Variants in ARMC7 observed in about 807,000 individuals in gnomAD.
The protein encoded by ARMC7 is armadillo repeat containing 7, also known as armadillo repeat-containing protein 7.
ARMC7 carries 9 observed loss-of-function variants against 14.8 expected under a neutral mutation model. The observed-to-expected ratio is 0.61, with a 90% CI of 0.37 to 1.06. ARMC7 has a LOEUF of 1.06. Among genes scored for constraint, ARMC7 ranks in the 50% least tolerant of loss-of-function variants. ARMC7 has a pLI of 0.01. For synonymous variants in ARMC7, 125 were observed against 123.4 expected, an observed-to-expected ratio of 1.01 and a Z score of -0.09; for missense variants, 262 against 267.1, an observed-to-expected ratio of 0.98 and a Z score of 0.13.
chr17:75,117,358 T>C (rs2073980783), intron 2 of ARMC7, among the ~76,000 whole-genome samples: 1 of 152,160 alleles, frequency 6.6e-6, no homozygotes, highest in African/African-American at 2.4e-5. Flanking sequence ...ATTACAGGCG[T>C]GAGCCACTGT....
intron 2 of ARMC7, among the ~76,000 whole-genome samples, chr17:75,120,111 G>T (rs376918863): frequency 6.6e-6 from 1 of 151,860 alleles, no homozygotes; most frequent in Non-Finnish European, 1.5e-5. Context: ...TGCCATGTTG[G>T]CCAGGGTGGT....
chr17:75,127,534 G>A (rs1262917174), intron 2 of ARMC7, among the ~76,000 whole-genome samples: 1 of 152,116 alleles, frequency 6.6e-6, no homozygotes, highest in Non-Finnish European at 1.5e-5. Context: ...CCTGACCTCA[G>A]GGTGATCCAC....
chr17:75,116,019 A>G (rs1370468687), intron 2 of ARMC7, among the ~76,000 whole-genome samples: 3 of 152,160 alleles, frequency 2.0e-5, no homozygotes, highest in Non-Finnish European at 4.4e-5. Flanking sequence ...ACGTCCTATC[A>G]AGGGAATCAC....
At chr17:75,123,238 C>T (rs1268291893) in intron 2 of ARMC7, among the ~76,000 whole-genome samples, 6 of 143,990 alleles carry the variant, frequency 4.2e-5, no homozygotes, top group Non-Finnish European at 7.5e-5. Flanking sequence ...TTAGTAGAGA[C>T]GGGGTTTCAC....
At chr17:75,128,557 G>C in intron 2 of ARMC7, 120 bp from the exon 3 acceptor site, 1 of 1,387,442 alleles carries the variant, frequency 7.2e-7, no homozygotes, top group Non-Finnish European at 9.6e-7. Context: ...ATGGGCTTTG[G>C]ATGCCTTGTG....
intron 2 of ARMC7, among the ~76,000 whole-genome samples, chr17:75,121,108 T>G (rs1235805476): frequency 6.6e-6 from 1 of 152,198 alleles, no homozygotes; most frequent in Non-Finnish European, 1.5e-5. Context: ...TCACTCAACA[T>G]TATGTTTTTC....
At position 75,129,734 on chromosome 17, in the gene ARMC7, T is replaced by C. The variant is rs1207054780; in HGVS notation, c.*696T>C. On this transcript the variant is annotated 3_prime_UTR_variant, in exon 3 of 3. Coordinates refer to ENST00000245543, the MANE Select transcript of ARMC7 (RefSeq NM_024585.4). ...CCATCGGGCATCAAGCACAAGGCCA[T>C]GCAGGTGATGATACGTCGGAATAGA... The C allele has an allele frequency of 6.6e-6, 1 of 152,486 alleles. No individual in the cohort carries two copies. The highest frequency in any genetic ancestry group is 1.5e-5 in the Non-Finnish European group (1 of 68,268). The allele number at this position is 152,486 out of a possible 1,614,324, so 9.4% of individuals were successfully genotyped here. A position where few individuals can be genotyped will look rare whatever the true frequency, so the allele number is the denominator to read the frequency against.
rs1041408396 is a variant in ARMC7 at position 75,109,994 on chromosome 17, G to C, written c.-295G>C. Reference sequence around the variant, plus strand: ...GGAACCGAGCCCAGGAGCCGGGGACGGTGCGCCAGTGCCCCCTCCGCGAGC... The same window carrying C: ...GGAACCGAGCCCAGGAGCCGGGGACCGTGCGCCAGTGCCCCCTCCGCGAGC... On this transcript the variant is annotated 5_prime_UTR_variant, in exon 1 of 3. Coordinates refer to ENST00000245543, the MANE Select transcript of ARMC7 (RefSeq NM_024585.4). This position sits in a 1 kb window ranked among gnomAD's most constrained non-coding sequence, Gnocchi z 5.0. 1.5e-5 allele frequency: 5 copies of C among 340,576 alleles called. No homozygotes were observed. The highest frequency in any genetic ancestry group is 1.4e-4 in the Admixed American group (3 of 21,808). The allele number at this position is 340,576 out of a possible 1,614,324, so 21.1% of individuals were successfully genotyped here.
At chr17:75,114,173 T>C in intron 2 of ARMC7, 1 of 401,186 alleles carries the variant, frequency 2.5e-6, no homozygotes, top group East Asian at 3.6e-5. Context: ...CCACAGCTGC[T>C]GCAGTCTGAA....
At chr17:75,123,599 G>A (rs570643712) in intron 2 of ARMC7, among the ~76,000 whole-genome samples, 30 of 152,062 alleles carry the variant, frequency 2.0e-4, no homozygotes, top group African/African-American at 6.0e-4. Flanking sequence ...GTGATCCACC[G>A]CGCCCAGCCT....
chr17:75,114,474 A>G (rs1742930545), intron 2 of ARMC7: 6 of 393,148 alleles, frequency 1.5e-5, no homozygotes. Context: ...TGGGTGACTG[A>G]GCCCGGGTCC....
At chr17:75,127,136 G>A (rs186821765) in intron 2 of ARMC7, among the ~76,000 whole-genome samples, 1 of 151,734 alleles carries the variant, frequency 6.6e-6, no homozygotes, top group Non-Finnish European at 1.5e-5. Context: ...CTCCCAGGGA[G>A]GCTGAGGCAG....
In ARMC7 at chr17:75,110,082, A is replaced by G. The variant is rs1393218164; in HGVS notation, c.-207A>G. Reference sequence around the variant, plus strand: ...ATTTCGATTTTCAAACGCAACTCCTACAGGATTCTGAGACCCCGTCCCATC... The same window carrying G: ...ATTTCGATTTTCAAACGCAACTCCTGCAGGATTCTGAGACCCCGTCCCATC... On this transcript the variant is annotated 5_prime_UTR_variant, in exon 1 of 3. Coordinates refer to ENST00000245543, the MANE Select transcript of ARMC7 (RefSeq NM_024585.4). 8 of 571,236 alleles carry G rather than the reference A, an allele frequency of 1.4e-5. No individual in the cohort carries two copies. Among genetic ancestry groups the G allele is most frequent in the South Asian group, 6.5e-5 (3 of 45,834 alleles). 35.4% of individuals were successfully genotyped at this position (571,236 alleles called of 1,614,324 possible). A position where few individuals can be genotyped will look rare whatever the true frequency, so the allele number is the denominator to read the frequency against.
At position 75,110,180 on chromosome 17, in the gene ARMC7, CT is replaced by C. The variant is rs2073897819; in HGVS notation, c.-108del. Reference sequence around the variant, plus strand: ...GGAAAGAAACCCATTTGCCGACCCCCTCTTCCCTCTCCAGACAGGTGGAGAG... The same window carrying C: ...GGAAAGAAACCCATTTGCCGACCCCCCTTCCCTCTCCAGACAGGTGGAGAG... On this transcript the variant is annotated 5_prime_UTR_variant, in exon 1 of 3. Transcript: ENST00000245543. The C allele has an allele frequency of 2.7e-6, 3 of 1,098,626 alleles. No homozygotes were observed. Among genetic ancestry groups the C allele is most frequent in the African/African-American group, 3.2e-5 (2 of 62,944 alleles). 68.1% of individuals were successfully genotyped at this position (1,098,626 alleles called of 1,614,324 possible). A position where few individuals can be genotyped will look rare whatever the true frequency, so the allele number is the denominator to read the frequency against.
chr17:75,110,710 C>A, intron 2 of ARMC7, 104 bp downstream of exon 2: 3 of 1,456,238 alleles, frequency 2.1e-6, no homozygotes, highest in Non-Finnish European at 2.8e-6. Flanking sequence ...CACCTGTAAT[C>A]CCAGCAGTTT....
Position 75,110,220 on chromosome 17 carries a change from C to G in ARMC7, c.-69C>G. 1.4e-6 allele frequency: 2 copies of G among 1,438,430 alleles called. No homozygotes were observed. Among genetic ancestry groups the G allele is most frequent in the Middle Eastern group, 2.5e-4 (1 of 3,976 alleles). 89.1% of individuals were successfully genotyped at this position (1,438,430 alleles called of 1,614,324 possible). ...ACAGGTGGAGAGCGGGTGAGGGTCT[C>G]GCTCGGCTTTCCCCCTGCACCTTTC... On this transcript the variant is annotated 5_prime_UTR_variant, in exon 1 of 3. Transcript: ENST00000245543.
chr17:75,118,705 T>A (rs895153910), intron 2 of ARMC7, among the ~76,000 whole-genome samples: 3 of 152,344 alleles, frequency 2.0e-5, no homozygotes, highest in African/African-American at 7.2e-5. Flanking sequence ...CCAGGGCTCC[T>A]GTTTGGGTGC....
chr17:75,114,461 G>A lies in ARMC7; in HGVS notation c.235+3855G>A, dbSNP rs2073957839. On this transcript the variant is annotated intron_variant, in intron 2 of 2. Transcript: ENST00000245543. ...TCTTGCCATCCTGGGCAGCTTCCCG[G>A]CGTGGGTGACTGAGCCCGGGTCCTG... The A allele has an allele frequency of 1.8e-5, 7 of 393,652 alleles. No individual in the cohort carries two copies. The East Asian group carries it at 2.2e-4, about 12-fold the overall frequency. The allele number at this position is 393,652 out of a possible 1,614,324, so 24.4% of individuals were successfully genotyped here. A position where few individuals can be genotyped will look rare whatever the true frequency, so the allele number is the denominator to read the frequency against.
intron 2 of ARMC7, among the ~76,000 whole-genome samples, chr17:75,122,880 G>A (rs904929299): frequency 2.0e-5 from 3 of 151,164 alleles, no homozygotes; most frequent in Non-Finnish European, 2.9e-5. Flanking sequence ...TGAGGGGGGC[G>A]TGGTGGGGGG....
Sources: gnomAD v4.1 joint callset for allele counts (sites outside exome capture counted in the v4.1 genomes callset) on GRCh38, gnomAD v4.1.1 for gene constraint, Gnocchi (gnomAD v3.1) non-coding constraint, MANE v1.5 for transcripts, NCBI Gene and HGNC (gene_info 2026-07-23, HGNC 2026-07-21) for gene names.